Variants in PLEKHA7 observed in about 807,000 individuals in gnomAD.
PLEKHA7 encodes the protein pleckstrin homology domain-containing family A member 7.
In PLEKHA7, 104 loss-of-function variants were observed where a neutral mutation model predicts 170.0. The observed-to-expected ratio is 0.61, with a 90% confidence interval of 0.52 to 0.72. The LOEUF is 0.72. PLEKHA7 is among the 30% of genes least tolerant of loss of function. PLEKHA7 has a pLI of 0.00. For synonymous variants in PLEKHA7, 648 were observed against 660.8 expected (o/e 0.98, Z 0.30); for missense variants, 1,615 against 1,671.7 (o/e 0.97, Z 0.59).
intron 3 of PLEKHA7, among the ~76,000 whole-genome samples, chr11:16,887,405 C>G (rs61496580): frequency 0.028 from 2,820 of 101,318 alleles, 106 homozygotes; most frequent in African/African-American, 0.083. Context: ...CCCACGGTCT[C>G]CCTCTCCCTC....
In PLEKHA7 at chr11:16,904,201, C is replaced by T. The variant is rs537020544; in HGVS notation, c.222-33019G>A. Reference sequence around the variant, plus strand: ...TGAAATCATTTACAGAACATTCCTTCACACATGTCACCTCATTCTCCATGC... The same window carrying T: ...TGAAATCATTTACAGAACATTCCTTTACACATGTCACCTCATTCTCCATGC... On this transcript the variant is annotated intron_variant, in intron 3 of 26. Coordinates refer to ENST00000531066, the MANE Select transcript of PLEKHA7 (RefSeq NM_001329630.2). 6.5e-4 allele frequency among the ~76,000 whole-genome samples: 99 copies of T among 152,310 alleles called. 1 individual carries two copies. The highest frequency in any genetic ancestry group is 5.8e-3 in the South Asian group (28 of 4,826).
intron 8 of PLEKHA7, among the ~76,000 whole-genome samples, chr11:16,847,490 G>A (rs1852537436): frequency 6.6e-6 from 1 of 152,118 alleles, no homozygotes; most frequent in African/African-American, 2.4e-5. Context: ...GACAGGAGTG[G>A]CTAAAAATGT....
intron 13 of PLEKHA7, among the ~76,000 whole-genome samples, chr11:16,804,584 C>T (rs1490595899): frequency 6.6e-6 from 1 of 152,214 alleles, no homozygotes; most frequent in African/African-American, 2.4e-5. Context: ...ACACATGCCC[C>T]ACCCATTCCC....
intron 9 of PLEKHA7, among the ~76,000 whole-genome samples, chr11:16,827,679 G>C (rs1414078493): frequency 6.6e-6 from 1 of 152,070 alleles, no homozygotes. Flanking sequence ...TGATCACCTG[G>C]CACCAGGGAT....
intron 3 of PLEKHA7, among the ~76,000 whole-genome samples, chr11:16,972,744 TC>T (rs1862802854): frequency 6.6e-6 from 1 of 152,180 alleles, no homozygotes; most frequent in Admixed American, 6.5e-5. Context: ...AAATCTTGCC[TC>T]CTTCTTGTTT....
At chr11:16,859,888 T>C (rs568890811) in intron 4 of PLEKHA7, among the ~76,000 whole-genome samples, 32 of 152,360 alleles carry the variant, frequency 2.1e-4, no homozygotes, top group Admixed American at 1.8e-3. Flanking sequence ...CGCAGACTGC[T>C]GCTGTCCTCA....
chr11:16,959,357 T>TA lies in PLEKHA7; in HGVS notation c.221+54631dup, dbSNP rs557491975. 4.1e-3 allele frequency among the ~76,000 whole-genome samples: 629 copies of TA among 152,200 alleles called. 3 individuals are homozygous for TA. Among genetic ancestry groups the TA allele is most frequent in the Middle Eastern group, 0.014 (4 of 294 alleles). On this transcript the variant is annotated intron_variant, in intron 3 of 26. Transcript: ENST00000531066. ...AGTCAGTGGGAATGGATGGAACTGT[T>TA]AAAAAAACATGACAACTGGAAAGAA...
chr11:16,888,401 C>CGG (rs1236892196), intron 3 of PLEKHA7, among the ~76,000 whole-genome samples: 1 of 149,064 alleles, frequency 6.7e-6, no homozygotes, highest in Non-Finnish European at 1.5e-5. Context: ...GTTGAGTAGA[C>CGG]GGGGGGGAAA....
intron 17 of PLEKHA7, among the ~76,000 whole-genome samples, chr11:16,796,012 C>A (rs1208090503): frequency 1.3e-5 from 2 of 151,886 alleles, no homozygotes; most frequent in Non-Finnish European, 2.9e-5. Context: ...GCGCCCACCA[C>A]CACATCTGGC....
intron 3 of PLEKHA7, among the ~76,000 whole-genome samples, chr11:17,004,447 C>T (rs1387179314): frequency 6.6e-6 from 1 of 150,406 alleles, no homozygotes; most frequent in Non-Finnish European, 1.5e-5. Flanking sequence ...GGCTGGAGTG[C>T]AATGGCGCAA....
intron 17 of PLEKHA7, 116 bp downstream of exon 17, chr11:16,800,858 G>C: frequency 1.2e-6 from 1 of 845,292 alleles, no homozygotes; most frequent in Non-Finnish European, 1.9e-6. Flanking sequence ...CTGGGGCTGA[G>C]GGGGAGAAGG....
At chr11:16,905,546 AG>A (rs932969975) in intron 3 of PLEKHA7, among the ~76,000 whole-genome samples, 1 of 152,152 alleles carries the variant, frequency 6.6e-6, no homozygotes, top group African/African-American at 2.4e-5. Flanking sequence ...GCAGAGCCCC[AG>A]GGAAGAGCAA....
intron 3 of PLEKHA7, among the ~76,000 whole-genome samples, chr11:16,936,740 A>C: frequency 6.6e-6 from 1 of 152,248 alleles, no homozygotes; most frequent in East Asian, 1.9e-4. Flanking sequence ...GAGTTCTGAG[A>C]CTATCTTTGC....
chr11:16,824,713 T>G (rs1335210846), intron 10 of PLEKHA7, among the ~76,000 whole-genome samples: 1 of 152,242 alleles, frequency 6.6e-6, no homozygotes, highest in East Asian at 1.9e-4. Flanking sequence ...TTGTGAAATA[T>G]TCATCAGATC....
intron 3 of PLEKHA7, among the ~76,000 whole-genome samples, chr11:16,950,108 G>A (rs1861310042): frequency 6.6e-6 from 1 of 150,894 alleles, no homozygotes; most frequent in African/African-American, 2.4e-5. Flanking sequence ...GGAGCACAGA[G>A]AAGGGAGGGA....
intron 3 of PLEKHA7, among the ~76,000 whole-genome samples, chr11:16,941,959 T>A (rs1213029233): frequency 1.3e-5 from 2 of 152,266 alleles, no homozygotes; most frequent in African/African-American, 2.4e-5. Flanking sequence ...TTCACTGCTG[T>A]ACCCCAGTGT....
chr11:16,969,818 G>A (rs1011882682), intron 3 of PLEKHA7, among the ~76,000 whole-genome samples: 1 of 152,332 alleles, frequency 6.6e-6, no homozygotes, highest in African/African-American at 2.4e-5. Context: ...GGATTACACT[G>A]GGAGTTCCCA....
intron 3 of PLEKHA7, among the ~76,000 whole-genome samples, chr11:16,921,098 T>G (rs1487017440): frequency 6.6e-6 from 1 of 152,224 alleles, no homozygotes; most frequent in African/African-American, 2.4e-5. Context: ...AGGGCGTTTT[T>G]TTGTTGTTGT....
At chr11:16,794,398 A>T in intron 19 of PLEKHA7, 90 bp downstream of exon 19, 1 of 1,341,264 alleles carries the variant, frequency 7.5e-7, no homozygotes, top group South Asian at 1.2e-5. Flanking sequence ...CCATTTCCCC[A>T]AGTTTTCCCA....
Sources: allele counts gnomAD v4.1 joint callset (sites outside exome capture counted in the v4.1 genomes callset), GRCh38; gene constraint gnomAD v4.1.1; transcripts MANE v1.5; gene names NCBI Gene and HGNC (gene_info 2026-07-23, HGNC 2026-07-21).